Variants in RIPPLY1 observed in about 807,000 individuals in gnomAD.
The protein encoded by RIPPLY1 is protein ripply1.
In RIPPLY1, 10 loss-of-function variants were observed where a neutral mutation model predicts 8.7. The observed-to-expected ratio is 1.15, with a 90% CI of 0.71 to 1.94. RIPPLY1 has a LOEUF of 1.94. Ranked by LOEUF, RIPPLY1 falls within the 30% of genes most tolerant of loss-of-function variation. The probability of loss-of-function intolerance (pLI) is 0.00; values close to 1 mark genes in which losing one functional copy is unlikely to be tolerated. For missense variants in RIPPLY1, 118 were observed against 108.7 expected (o/e 1.09, Z -0.38); for synonymous variants, 54 against 44.8 (o/e 1.20, Z -0.82).
At chrX:106,901,996 G>A (rs1023323005) in intron 2 of RIPPLY1, 144 bp downstream of exon 2, 13 of 480,395 alleles carry the variant, frequency 2.7e-5, no homozygotes, top group African/African-American at 1.4e-4. Context: ...GCTCTCTGTT[G>A]GAATCAAATG....
At chrX:106,903,033 C>T in intron 1 of RIPPLY1, 100 bp downstream of exon 1, 5 of 948,337 alleles carry the variant, frequency 5.3e-6, no homozygotes, top group Non-Finnish European at 7.4e-6. Context: ...TGCTTTTCCC[C>T]TTCACAGAGA....
In RIPPLY1 at chrX:106,900,843, T is replaced by G; in HGVS notation, c.362A>C (p.Asn121Thr). The G allele has an allele frequency of 8.3e-7, 1 of 1,211,687 alleles. No homozygotes were observed. The highest frequency in any genetic ancestry group is 1.8e-5 in the South Asian group (1 of 56,976). ...LYSAGEILLQ[N>T]FPVQATINLY... The stretch of plus-strand genomic sequence containing the variant: ...GTTGATGGTTGCCTGGACAGGAAAG[T>G]TCTGCAGTAAAATCTCCCCAGCACT... Residue 121 changes from asparagine to threonine, a missense_variant, in exon 4 of 4, where the codon AAC (asparagine) becomes ACC (threonine). Asn to Thr is a moderately conservative substitution (Grantham distance 65, BLOSUM62 0). Transcript: ENST00000276173.
Position 106,900,409 on chromosome X carries a change from A to T in RIPPLY1, c.*340T>A, listed in dbSNP as rs1215227830. 1 of 160,817 alleles carries T rather than the reference A, an allele frequency of 6.2e-6. No homozygotes were observed. Among genetic ancestry groups the T allele is most frequent in the East Asian group, 1.6e-4 (1 of 6,407 alleles). The allele number at this position is 160,817 out of a possible 1,213,427, so 13.3% of individuals were successfully genotyped here. ...GCTCTGCTTCCTGGGGGCTTCAGCA[A>T]GCCTTCCTTCTAGAGCTCCTAGAAC... On this transcript the variant is annotated 3_prime_UTR_variant, in exon 4 of 4. Coordinates refer to ENST00000276173, the MANE Select transcript of RIPPLY1 (RefSeq NM_138382.3).
intron 2 of RIPPLY1, among the ~76,000 whole-genome samples, 160 bp from the exon 3 acceptor site, chrX:106,901,698 C>A (rs1199881697): frequency 8.9e-6 from 1 of 111,796 alleles, no homozygotes; most frequent in Non-Finnish European, 1.9e-5. Context: ...AACAAGGGGT[C>A]TCTCTTGGTT....
At position 106,900,666 on chromosome X, in the gene RIPPLY1, G is replaced by A. The variant is rs1168466121; in HGVS notation, c.*83C>T. ...GCCTCCATTTGGATAGGTTAGGGGTGAGGAAGGGGGATGAGCTGTGGCGCT... is the reference window on the plus strand; with the variant it reads ...GCCTCCATTTGGATAGGTTAGGGGTAAGGAAGGGGGATGAGCTGTGGCGCT... On this transcript the variant is annotated 3_prime_UTR_variant, in exon 4 of 4. Coordinates refer to ENST00000276173, the MANE Select transcript of RIPPLY1 (RefSeq NM_138382.3). 1 of 1,126,195 alleles carries A rather than the reference G, an allele frequency of 8.9e-7. No homozygotes were observed. Among genetic ancestry groups the A allele is most frequent in the South Asian group, 2.2e-5 (1 of 45,212 alleles). The allele number at this position is 1,126,195 out of a possible 1,213,427, so 92.8% of individuals were successfully genotyped here. A position where few individuals can be genotyped will look rare whatever the true frequency, so the allele number is the denominator to read the frequency against.
rs1395518120 is a variant in RIPPLY1, at chrX:106,900,356, T to C, written c.*393A>G. 8.2e-6 allele frequency: 1 copy of C among 122,483 alleles called. No individual in the cohort carries two copies. The highest frequency in any genetic ancestry group is 3.2e-5 in the African/African-American group (1 of 30,950). The allele number at this position is 122,483 out of a possible 1,213,427, so 10.1% of individuals were successfully genotyped here. A position where few individuals can be genotyped will look rare whatever the true frequency, so the allele number is the denominator to read the frequency against. On this transcript the variant is annotated 3_prime_UTR_variant, in exon 4 of 4. Transcript: ENST00000276173. Reference sequence around the variant, plus strand: ...GTCAAAGGGCCTGAGGAATGACTACTTCCCTCCACAAGGGCATTCCCTGCC... The same window carrying C: ...GTCAAAGGGCCTGAGGAATGACTACCTCCCTCCACAAGGGCATTCCCTGCC...
rs1280002045 is a variant in RIPPLY1, at chrX:106,903,216, T to A, written c.72A>T (p.Leu24=). The A allele has an allele frequency of 1.7e-6, 2 of 1,209,493 alleles. No individual in the cohort carries two copies. Among genetic ancestry groups the A allele is most frequent in the African/African-American group, 3.5e-5 (2 of 57,438 alleles). The change falls in exon 1 of 4, where the codon CTA becomes CTT. Residue 24 remains leucine (L), a synonymous_variant. Coordinates refer to ENST00000276173, the MANE Select transcript of RIPPLY1 (RefSeq NM_138382.3). ...CAGGGAGTGCCAGTGGGGCTTGTGC[T>A]AGGTCTGGAGCTAGGGCCAAAGCCA... ...PALALALAPD[L]AQAPLALPGL...
chrX:106,901,607 G>T, intron 2 of RIPPLY1, 69 bp from the exon 3 acceptor site: 1 of 1,072,403 alleles, frequency 9.3e-7, no homozygotes, highest in Non-Finnish European at 1.3e-6. Flanking sequence ...CTGTACTAGA[G>T]GTCAGAAAGC....
chrX:106,901,650 C>A, intron 2 of RIPPLY1, 112 bp from the exon 3 acceptor site: 1 of 770,737 alleles, frequency 1.3e-6, no homozygotes, highest in South Asian at 2.7e-5. Context: ...AGACCTTAGA[C>A]ATCTCTGGGA....
chrX:106,903,295 G>T lies in RIPPLY1; in HGVS notation c.-8C>A. The T allele has an allele frequency of 5.9e-6, 7 of 1,190,159 alleles. No individual in the cohort carries two copies. The highest frequency in any genetic ancestry group is 1.1e-6 in the Non-Finnish European group (1 of 883,665). On this transcript the variant is annotated 5_prime_UTR_variant, in exon 1 of 4. Coordinates refer to ENST00000276173, the MANE Select transcript of RIPPLY1 (RefSeq NM_138382.3). ...ACAGGCAGCAGAGTCCATTCTTAGG[G>T]GACCAAAGCCAGTGGGGTCTCCTAC...
At position 106,900,695 on chromosome X, in the gene RIPPLY1, G is replaced by T. The variant is rs752967609; in HGVS notation, c.*54C>A. ...AAGGGGGATGAGCTGTGGCGCTGTA[G>T]GGTATGGACCCTGGTACCCTCACAC... On this transcript the variant is annotated 3_prime_UTR_variant, in exon 4 of 4. Coordinates refer to ENST00000276173, the MANE Select transcript of RIPPLY1 (RefSeq NM_138382.3). 154 of 1,159,858 alleles carry T rather than the reference G, an allele frequency of 1.3e-4. No homozygotes were observed. The East Asian group carries it at 3.7e-3, about 28-fold the overall frequency.
At chrX:106,902,927 C>T (rs747481458) in intron 1 of RIPPLY1, among the ~76,000 whole-genome samples, 1 of 112,404 alleles carries the variant, frequency 8.9e-6, no homozygotes, top group Admixed American at 9.4e-5. Context: ...CAACAGCTGT[C>T]CCCAAGTCCC....
intron 2 of RIPPLY1, 62 bp downstream of exon 2, chrX:106,902,078 A>T: frequency 1.0e-6 from 1 of 983,004 alleles, no homozygotes; most frequent in Admixed American, 2.6e-5. Context: ...CTGGGAAGTG[A>T]CCTGGTCACT....
rs191311035 is a variant in RIPPLY1, at chrX:106,900,688, C to T, written c.*61G>A. On this transcript the variant is annotated 3_prime_UTR_variant, in exon 4 of 4. Transcript: ENST00000276173. ...GGTGAGGAAGGGGGATGAGCTGTGG[C>T]GCTGTAGGGTATGGACCCTGGTACC... 9 of 1,147,725 alleles carry T rather than the reference C, an allele frequency of 7.8e-6. No individual in the cohort carries two copies. The highest frequency in any genetic ancestry group is 4.2e-5 in the South Asian group (2 of 48,183). The allele number at this position is 1,147,725 out of a possible 1,213,427, so 94.6% of individuals were successfully genotyped here. A position where few individuals can be genotyped will look rare whatever the true frequency, so the allele number is the denominator to read the frequency against.
chrX:106,900,490 T>C lies in RIPPLY1; in HGVS notation c.*259A>G, dbSNP rs1270538294. Reference sequence around the variant, plus strand: ...ACAATGAGATGCAAGAGGCCTGAGCTCACAGGCCATTCAGGTAAGCCAGGG... The same window carrying C: ...ACAATGAGATGCAAGAGGCCTGAGCCCACAGGCCATTCAGGTAAGCCAGGG... On this transcript the variant is annotated 3_prime_UTR_variant, in exon 4 of 4. Transcript: ENST00000276173. The C allele has an allele frequency of 3.0e-6, 1 of 338,846 alleles. No homozygotes were observed. Among genetic ancestry groups the C allele is most frequent in the East Asian group, 5.4e-5 (1 of 18,665 alleles). The allele number at this position is 338,846 out of a possible 1,213,427, so 27.9% of individuals were successfully genotyped here. A position where few individuals can be genotyped will look rare whatever the true frequency, so the allele number is the denominator to read the frequency against.
At chrX:106,902,089 GT>G in intron 2 of RIPPLY1, 50 bp downstream of exon 2, 1 of 1,056,324 alleles carries the variant, frequency 9.5e-7, no homozygotes, top group South Asian at 2.0e-5. Context: ...CCTGGTCACT[GT>G]TAATGCATGT....
In RIPPLY1 at chrX:106,902,176, A is replaced by T. The variant is rs1364942126; in HGVS notation, c.195T>A (p.Asn65Lys). 1 of 1,191,646 alleles carries T rather than the reference A, an allele frequency of 8.4e-7. No homozygotes were observed. Among genetic ancestry groups the T allele is most frequent in the Admixed American group, 2.3e-5 (1 of 43,473 alleles). ...GCTTCCTCATCTGCCTTGGGGAGTCATTTGTGGAAGACAGCCAGGGCCTCC... is the reference window on the plus strand; with the variant it reads ...GCTTCCTCATCTGCCTTGGGGAGTCTTTTGTGGAAGACAGCCAGGGCCTCC... ...CLWRPWLSSTNDSPRQMRKLV... is the reference protein window; with the variant it reads ...CLWRPWLSSTKDSPRQMRKLV... Residue 65 changes from asparagine (N) to lysine (K), a missense_variant, in exon 2 of 4, where the codon AAT (asparagine) becomes AAA (lysine). Physicochemically the swap from Asn to Lys is moderately conservative, Grantham distance 94. Transcript: ENST00000276173.
In RIPPLY1 at chrX:106,901,496, A is replaced by T; in HGVS notation, c.274T>A (p.Ser92Thr). The T allele has an allele frequency of 8.3e-7, 1 of 1,211,562 alleles. No individual in the cohort carries two copies. The highest frequency in any genetic ancestry group is 1.1e-6 in the Non-Finnish European group (1 of 895,265). Residue 92 changes from serine to threonine, a missense_variant, in exon 3 of 4, where the codon TCC (serine) becomes ACC (threonine). Ser to Thr is a moderately conservative substitution (Grantham distance 58). Coordinates refer to ENST00000276173, the MANE Select transcript of RIPPLY1 (RefSeq NM_138382.3). ...TACCTGACAGGGTGATGGAACTTGG[A>T]TTCAGCCTTGGTGACCTCAGCAGCC... is the stretch of plus-strand genomic sequence containing the variant. ...ATAAEVTKAE[S>T]KFHHPVRLFW...
At chrX:106,901,398 C>T in intron 3 of RIPPLY1, 76 bp downstream of exon 3, 1 of 987,350 alleles carries the variant, frequency 1.0e-6, no homozygotes. Flanking sequence ...CCCTCTCCTG[C>T]TTCACAAGAC....
Sources: allele counts gnomAD v4.1 joint callset (sites outside exome capture counted in the v4.1 genomes callset), GRCh38; gene constraint gnomAD v4.1.1; transcripts MANE v1.5; gene names NCBI Gene and HGNC (gene_info 2026-07-23, HGNC 2026-07-21).